Variants in NDUFA12 observed in about 807,000 individuals in gnomAD.
NDUFA12 encodes NADH:ubiquinone oxidoreductase subunit A12, also known as NADH dehydrogenase [ubiquinone] 1 alpha subcomplex subunit 12.
In NDUFA12, 17 loss-of-function variants were observed where a neutral mutation model predicts 20.3. That is an observed-to-expected ratio of 0.84 (90% CI 0.57 to 1.26). The LOEUF is 1.26. NDUFA12 is among the 50% of genes most tolerant of loss of function. The pLI is 0.00. For missense variants in NDUFA12, 191 were observed against 183.7 expected (o/e 1.04, Z -0.23); for synonymous variants, 72 against 63.6 (o/e 1.13, Z -0.63).
At chr12:95,002,163 T>C (rs909916633) in intron 2 of NDUFA12, among the ~76,000 whole-genome samples, 1 of 150,992 alleles carries the variant, frequency 6.6e-6, no homozygotes, top group Non-Finnish European at 1.5e-5. Context: ...TACTCAAGGC[T>C]GGACGCAGTG....
At chr12:95,000,089 T>C (rs1193551792) in intron 2 of NDUFA12, among the ~76,000 whole-genome samples, 1 of 152,200 alleles carries the variant, frequency 6.6e-6, no homozygotes, top group Admixed American at 6.5e-5. Context: ...TGCCCATCAG[T>C]GAACGAGTGG....
chr12:94,988,693 C>A (rs1056571084), intron 3 of NDUFA12, among the ~76,000 whole-genome samples: 42 of 152,156 alleles, frequency 2.8e-4, no homozygotes, highest in African/African-American at 7.5e-4. Flanking sequence ...GATTGAGGGG[C>A]AGGCCGTCCA....
chr12:94,974,229 C>T (rs186414921), intron 3 of NDUFA12, among the ~76,000 whole-genome samples: 149 of 152,060 alleles, frequency 9.8e-4, no homozygotes, highest in African/African-American at 3.5e-3. Flanking sequence ...GCCTCGGCCT[C>T]CCAAAGTGCT....
intron 1 of NDUFA12, among the ~76,000 whole-genome samples, chr12:95,003,255 A>G (rs531806290): frequency 3.9e-5 from 6 of 152,340 alleles, no homozygotes; most frequent in Admixed American, 3.9e-4. Flanking sequence ...TCAACGCCTT[A>G]CAGACAAGGA....
At chr12:94,989,684 CTGGAG>C (rs1253850252) in intron 3 of NDUFA12, among the ~76,000 whole-genome samples, 1 of 152,246 alleles carries the variant, frequency 6.6e-6, no homozygotes, top group African/African-American at 2.4e-5. Flanking sequence ...TAGGCACCTG[CTGGAG>C]TGATCTTCTA....
intron 2 of NDUFA12, among the ~76,000 whole-genome samples, chr12:95,002,003 GAATT>G (rs1313464029): frequency 1.3e-5 from 2 of 151,530 alleles, no homozygotes; most frequent in East Asian, 3.9e-4. Context: ...GCGCCCAGCC[GAATT>G]AATTGTTAAA....
intron 2 of NDUFA12, among the ~76,000 whole-genome samples, chr12:95,000,789 G>T (rs1874997819): frequency 6.6e-6 from 1 of 152,072 alleles, no homozygotes; most frequent in South Asian, 2.1e-4. Flanking sequence ...ACATTGTTCT[G>T]CTACTGGAAT....
intron 2 of NDUFA12, chr12:94,997,077 G>A (rs1874857242): frequency 1.1e-5 from 3 of 269,834 alleles, no homozygotes; most frequent in South Asian, 1.1e-4. Context: ...GTGACAGTAT[G>A]TGCCTGTAAT....
chr12:94,982,051 T>C (rs767958472), intron 3 of NDUFA12, among the ~76,000 whole-genome samples: 3 of 152,198 alleles, frequency 2.0e-5, no homozygotes, highest in Non-Finnish European at 2.9e-5. Context: ...AAAACGCTAA[T>C]GTCTCTAAGG....
At chr12:94,993,780 C>T (rs61688935) in intron 3 of NDUFA12, among the ~76,000 whole-genome samples, 60,659 of 149,362 alleles carry the variant, frequency 0.41, 12,820 homozygotes, top group African/African-American at 0.53. Flanking sequence ...ACTAAAAATA[C>T]AAAATTAGCC....
chr12:94,983,360 C>G (rs1204244405), intron 3 of NDUFA12, among the ~76,000 whole-genome samples: 1 of 152,106 alleles, frequency 6.6e-6, no homozygotes, highest in Non-Finnish European at 1.5e-5. Context: ...ATATCACTTC[C>G]TAGATGAGGT....
intron 3 of NDUFA12, among the ~76,000 whole-genome samples, chr12:94,992,422 C>T (rs558924498): frequency 5.3e-5 from 8 of 152,308 alleles, no homozygotes; most frequent in African/African-American, 1.9e-4. Context: ...TTTCACCTTT[C>T]GCTTCACCCA....
chr12:94,981,806 TTC>T (rs930567854), intron 3 of NDUFA12, among the ~76,000 whole-genome samples: 3 of 152,182 alleles, frequency 2.0e-5, no homozygotes, highest in African/African-American at 7.2e-5. Context: ...GGCAATCCGT[TTC>T]TTATTTTCAA....
intron 3 of NDUFA12, among the ~76,000 whole-genome samples, chr12:94,976,675 A>G (rs760449110): frequency 2.6e-5 from 4 of 152,234 alleles, no homozygotes; most frequent in Non-Finnish European, 4.4e-5. Context: ...TGGATGCAGA[A>G]CCCACAGATA....
chr12:94,981,753 T>C (rs1433322), intron 3 of NDUFA12, among the ~76,000 whole-genome samples: 132,318 of 152,188 alleles, frequency 0.87, 57,628 homozygotes, highest in Admixed American at 0.9. Context: ...AATATATATT[T>C]GTTGAATGAA....
chr12:94,987,625 A>G (rs1472568020), intron 3 of NDUFA12, among the ~76,000 whole-genome samples: 1 of 151,722 alleles, frequency 6.6e-6, no homozygotes, highest in African/African-American at 2.4e-5. Context: ...ACATGATGAA[A>G]CCCCGTCTCT....
intron 3 of NDUFA12, among the ~76,000 whole-genome samples, chr12:94,975,040 A>G (rs1247608789): frequency 6.6e-6 from 1 of 152,260 alleles, no homozygotes; most frequent in Non-Finnish European, 1.5e-5. Flanking sequence ...AACACAAAGG[A>G]CAAATGCTTG....
chr12:94,987,693 T>G (rs944054874), intron 3 of NDUFA12, among the ~76,000 whole-genome samples: 5 of 149,350 alleles, frequency 3.3e-5, no homozygotes. Context: ...CCCACCTACT[T>G]GGGAGGCTGA....
At chr12:94,986,061 G>A (rs978670737) in intron 3 of NDUFA12, among the ~76,000 whole-genome samples, 1 of 150,088 alleles carries the variant, frequency 6.7e-6, no homozygotes. Flanking sequence ...TCCCAGTCTG[G>A]GCGACAAGAG....
Sources: allele counts gnomAD v4.1 joint callset (sites outside exome capture counted in the v4.1 genomes callset), GRCh38; gene constraint gnomAD v4.1.1; transcripts MANE v1.5; gene names NCBI Gene and HGNC (gene_info 2026-07-23, HGNC 2026-07-21).